GNAO1: variants seen among roughly 807,000 people sequenced by gnomAD.
The protein encoded by GNAO1 is guanine nucleotide-binding protein G(o) subunit alpha.
For synonymous variants in GNAO1, 164 were observed against 180.7 expected (o/e 0.91, Z 0.74); for missense variants, 166 against 478.7 (o/e 0.35, Z 6.10).
chr16:56,204,098 C>T (rs1411537141), intron 2 of GNAO1, among the ~76,000 whole-genome samples: 8 of 152,006 alleles, frequency 5.3e-5, no homozygotes, highest in Non-Finnish European at 1.0e-4. Context: ...AGAGATGACC[C>T]CTGGTGTCTA....
chr16:56,299,373 C>T (rs530172291), intron 3 of GNAO1, among the ~76,000 whole-genome samples: 3 of 152,362 alleles, frequency 2.0e-5, no homozygotes, highest in African/African-American at 4.8e-5. Context: ...CTGCTTCCTC[C>T]GATCTGCTGC....
intron 2 of GNAO1, among the ~76,000 whole-genome samples, chr16:56,236,264 A>T (rs893874994): frequency 6.6e-6 from 1 of 152,224 alleles, no homozygotes; most frequent in Admixed American, 6.5e-5. Flanking sequence ...TGAGTTTCAT[A>T]GTAGATGTGT....
intron 2 of GNAO1, among the ~76,000 whole-genome samples, chr16:56,218,051 C>T (rs1337069939): frequency 6.6e-6 from 1 of 152,290 alleles, no homozygotes. Flanking sequence ...TTTGTTGGGC[C>T]TAGCATTTTT....
At chr16:56,288,836 GC>G (rs1766434299) in intron 3 of GNAO1, among the ~76,000 whole-genome samples, 1 of 152,070 alleles carries the variant, frequency 6.6e-6, no homozygotes, top group African/African-American at 2.4e-5. Flanking sequence ...CCCTGCCTCG[GC>G]TGGCAGGGTG....
Position 56,350,878 on chromosome 16 carries a change from A to G in GNAO1, c.724-506A>G, listed in dbSNP as rs139453520. Among the ~76,000 whole-genome samples the G allele has an allele frequency of 3.3e-3, 503 of 152,310 alleles. 3 individuals carry two copies. Among genetic ancestry groups the G allele is most frequent in the African/African-American group, 0.012 (491 of 41,572 alleles). On this transcript the variant is annotated intron_variant, in intron 6 of 8. Transcript: ENST00000262493. The stretch of plus-strand genomic sequence containing the variant: ...AAGCCCAGCTCTCCGGCTCCGGTCC[A>G]GACTCCCCCAACGCCCACACACACA...
At chr16:56,262,526 G>A (rs1195534262) in intron 2 of GNAO1, among the ~76,000 whole-genome samples, 4 of 152,056 alleles carry the variant, frequency 2.6e-5, no homozygotes, top group Non-Finnish European at 4.4e-5. Flanking sequence ...CAAACATACC[G>A]TCAACAGGAA....
intron 2 of GNAO1, among the ~76,000 whole-genome samples, chr16:56,222,683 G>A (rs116592935): frequency 0.045 from 6,777 of 152,212 alleles, 335 homozygotes; most frequent in African/African-American, 0.11. Context: ...AGCCTCCATC[G>A]TAGGTGTGTG....
chr16:56,328,872 G>A (rs1182233708), intron 4 of GNAO1, 81 bp downstream of exon 4: 1 of 1,436,002 alleles, frequency 7.0e-7, no homozygotes, highest in African/African-American at 1.4e-5. Context: ...GATTGGCAGA[G>A]CAAGGAGGAT....
intron 3 of GNAO1, among the ~76,000 whole-genome samples, chr16:56,314,511 C>T (rs1244773165): frequency 6.6e-6 from 1 of 152,190 alleles, no homozygotes; most frequent in Non-Finnish European, 1.5e-5. Flanking sequence ...AATTCTCAGA[C>T]GGGTACTCGA....
chr16:56,256,718 CTGTGTGTGTG>C (rs199786327), intron 2 of GNAO1, among the ~76,000 whole-genome samples: 2,784 of 72,172 alleles, frequency 0.039, 78 homozygotes, highest in African/African-American at 0.093. Flanking sequence ...CTCTCTCTCT[CTGTGTGTGTG>C]TGTGTGTGTG....
At chr16:56,228,482 A>G (rs2036556031) in intron 2 of GNAO1, among the ~76,000 whole-genome samples, 1 of 151,628 alleles carries the variant, frequency 6.6e-6, no homozygotes, top group South Asian at 2.1e-4. Flanking sequence ...TAGATTATGT[A>G]TATTAAAATA....
chr16:56,301,871 A>G (rs1474332212), intron 3 of GNAO1: 2 of 152,198 alleles, frequency 1.3e-5, no homozygotes, highest in Non-Finnish European at 2.9e-5. Context: ...TGTGAGGTGC[A>G]CACTGTCACC....
chr16:56,290,419 G>T (rs1461475633), intron 3 of GNAO1, among the ~76,000 whole-genome samples: 1 of 152,208 alleles, frequency 6.6e-6, no homozygotes, highest in African/African-American at 2.4e-5. Flanking sequence ...TCTGCAGCTA[G>T]TCCGTGGTAG....
chr16:56,344,275 A>T, intron 6 of GNAO1: 1 of 1,242,184 alleles, frequency 8.1e-7, no homozygotes, highest in South Asian at 2.4e-5. Context: ...GCACCTGATG[A>T]CTCACTGGAA....
At chr16:56,307,850 T>C (rs565523415) in intron 3 of GNAO1, 1 of 152,350 alleles carries the variant, frequency 6.6e-6, no homozygotes, top group African/African-American at 2.4e-5. Context: ...AGCTAACAGA[T>C]GGGAAGAGTC....
At chr16:56,344,033 C>G in intron 6 of GNAO1, 1 of 1,567,002 alleles carries the variant, frequency 6.4e-7, no homozygotes, top group Non-Finnish European at 8.6e-7. Flanking sequence ...CACTCTCAGA[C>G]CACTCTTTGC....
At chr16:56,258,986 G>A (rs2036878790) in intron 2 of GNAO1, among the ~76,000 whole-genome samples, 1 of 152,238 alleles carries the variant, frequency 6.6e-6, no homozygotes, top group South Asian at 2.1e-4. Flanking sequence ...TTTATGGAAA[G>A]TGCTGCCAGG....
At chr16:56,312,365 ACAGATACTGGCTGCTGT>A (rs1205470293) in intron 3 of GNAO1, among the ~76,000 whole-genome samples, 2 of 152,246 alleles carry the variant, frequency 1.3e-5, no homozygotes, top group Admixed American at 6.5e-5. Context: ...TAAGTGCTCG[ACAGATACTGGCTGCTGT>A]CATGATCTCT....
chr16:56,232,265 G>A (rs879784997), intron 2 of GNAO1, among the ~76,000 whole-genome samples: 3 of 152,122 alleles, frequency 2.0e-5, no homozygotes, highest in Non-Finnish European at 4.4e-5. Flanking sequence ...CTTGAGCCTC[G>A]TAGCTCTGAG....
Sources: gnomAD v4.1 joint callset for allele counts (sites outside exome capture counted in the v4.1 genomes callset) on GRCh38, gnomAD v4.1.1 for gene constraint, MANE v1.5 for transcripts, NCBI Gene and HGNC (gene_info 2026-07-23, HGNC 2026-07-21) for gene names.